TBC1D24: variants seen among roughly 807,000 people sequenced by gnomAD.
TBC1D24 encodes Infantile myoclonic epilepsy.
A neutral mutation model predicts 50.7 loss-of-function variants in TBC1D24; 47 were observed. That is an observed-to-expected ratio of 0.93 (90% CI 0.73 to 1.18). The LOEUF is 1.18. TBC1D24 is among the 50% of genes most tolerant of loss of function. The pLI is 0.00. For missense variants in TBC1D24, 688 were observed against 766.5 expected (o/e 0.90, Z 1.21); for synonymous variants, 324 against 335.2 (o/e 0.97, Z 0.36).
chr16:2,496,633 A>G lies in TBC1D24; in HGVS notation c.485A>G (p.Asn162Ser), dbSNP rs772054145. 3.1e-6 allele frequency: 5 copies of G among 1,612,256 alleles called. No individual in the cohort carries two copies. The Admixed American group carries it at 5.0e-5, about 16-fold the overall frequency. Residue 162 changes from asparagine to serine, a missense_variant, in exon 2 of 8, where the codon AAT becomes AGT. By Grantham distance (46) the Asn-to-Ser change is conservative. Coordinates refer to ENST00000646147, the MANE Select transcript of TBC1D24 (RefSeq NM_001199107.2). ...AAGGCCTGCCGCATCCTGGCCTGCA[A>G]TGACCCCGGCAGGAGGCTGATCGAC... ...FEKACRILACNDPGRRLIDQS... is the reference protein window; with the variant it reads ...FEKACRILACSDPGRRLIDQS...
At chr16:2,492,107 T>C (rs1282828075) in intron 1 of TBC1D24, among the ~76,000 whole-genome samples, 1 of 152,204 alleles carries the variant, frequency 6.6e-6, no homozygotes, top group African/African-American at 2.4e-5. Context: ...CCCAAAGTGC[T>C]GGGATTACAG....
In TBC1D24 at chr16:2,501,194, C is replaced by T. The variant is rs1365362090; in HGVS notation, c.*236C>T. ...AGAGCTGGAGGGCCTGCTGTGCCCC[C>T]AGCCCCACCCAGAGCTGGCATAGGA... On this transcript the variant is annotated 3_prime_UTR_variant, in exon 8 of 8. Coordinates refer to ENST00000646147, the MANE Select transcript of TBC1D24 (RefSeq NM_001199107.2). 1.7e-6 allele frequency: 1 copy of T among 591,292 alleles called. No homozygotes were observed. The highest frequency in any genetic ancestry group is 3.0e-6 in the Non-Finnish European group (1 of 332,506). 36.6% of individuals were successfully genotyped at this position (591,292 alleles called of 1,614,324 possible). A position where few individuals can be genotyped will look rare whatever the true frequency, so the allele number is the denominator to read the frequency against.
At chr16:2,497,576 C>T (rs1275954801) in intron 2 of TBC1D24, 134 bp from the exon 3 acceptor site, 1 of 859,368 alleles carries the variant, frequency 1.2e-6, no homozygotes, top group African/African-American at 1.7e-5. Context: ...TGGTGCCACG[C>T]TGCGGCCTGT....
chr16:2,475,264 G>A lies in TBC1D24; in HGVS notation c.-116+94G>A, dbSNP rs2065556500. 1 of 150,030 alleles carries A rather than the reference G, an allele frequency of 6.7e-6. No individual in the cohort carries two copies. The highest frequency in any genetic ancestry group is 1.9e-4 in the South Asian group (1 of 5,306). 9.3% of individuals were successfully genotyped at this position (150,030 alleles called of 1,614,324 possible). Reference sequence around the variant, plus strand: ...TCACCGCGGTCGGCGCGTGCTGGGGGCGGGAGCGTGGGGGCCGGGCTGCGG... The same window carrying A: ...TCACCGCGGTCGGCGCGTGCTGGGGACGGGAGCGTGGGGGCCGGGCTGCGG... On this transcript the variant is annotated intron_variant, in intron 1 of 7. Coordinates refer to ENST00000646147, the MANE Select transcript of TBC1D24 (RefSeq NM_001199107.2). This position sits in a 1 kb window ranked among gnomAD's most constrained non-coding sequence, Gnocchi z 4.2.
rs780054979 is a variant in TBC1D24, at chr16:2,500,960, G to A, written c.*2G>A. 6.8e-6 allele frequency: 11 copies of A among 1,609,608 alleles called. No individual in the cohort carries two copies. Among genetic ancestry groups the A allele is most frequent in the Non-Finnish European group, 8.5e-6 (10 of 1,179,890 alleles). ...TTCCAGGACCCTGACACCCAGTGAC[G>A]GCCTGTGCCACGGTGACTGAGCCGT... On this transcript the variant is annotated 3_prime_UTR_variant, in exon 8 of 8. Coordinates refer to ENST00000646147, the MANE Select transcript of TBC1D24 (RefSeq NM_001199107.2). This position sits in a 1 kb window ranked among gnomAD's most constrained non-coding sequence, Gnocchi z 8.0.
At chr16:2,497,539 A>G (rs2065754177) in intron 2 of TBC1D24, among the ~76,000 whole-genome samples, 171 bp from the exon 3 acceptor site, 1 of 152,150 alleles carries the variant, frequency 6.6e-6, no homozygotes, top group African/African-American at 2.4e-5. Context: ...TGTCTGTCCT[A>G]TGTGGATTTG....
rs921518816 is a variant in TBC1D24 at position 2,486,328 on chromosome 16, C to T, written c.-115-9706C>T. Among the ~76,000 whole-genome samples, 2 of 152,232 alleles carry T rather than the reference C, an allele frequency of 1.3e-5. No homozygotes were observed. The highest frequency in any genetic ancestry group is 4.8e-5 in the African/African-American group (2 of 41,458). ...CTCATTTCCTCTTCCTCTTCATTCC[C>T]GGTCCCACTCCCAGGAAATGGTGAG... On this transcript the variant is annotated intron_variant, in intron 1 of 7. Transcript: ENST00000646147. This position sits in a 1 kb window ranked among gnomAD's most constrained non-coding sequence, Gnocchi z 5.8.
In TBC1D24 at chr16:2,500,264, C is replaced by G. The variant is rs1212253646; in HGVS notation, c.1303-4C>G. 6.3e-7 allele frequency: 1 copy of G among 1,597,156 alleles called. No individual in the cohort carries two copies. The highest frequency in any genetic ancestry group is 2.3e-5 in the East Asian group (1 of 43,694). On this transcript the variant is annotated splice_polypyrimidine_tract_variant and splice_region_variant and intron_variant, in intron 6 of 7. Coordinates refer to ENST00000646147, the MANE Select transcript of TBC1D24 (RefSeq NM_001199107.2). This position sits in a 1 kb window ranked among gnomAD's most constrained non-coding sequence, Gnocchi z 8.0. Reference sequence around the variant, plus strand: ...CAGCTCCTCACACTCCCCTTCCACCCCAGCTGCAGCCTGAGGTGCAGCGCT... The same window carrying G: ...CAGCTCCTCACACTCCCCTTCCACCGCAGCTGCAGCCTGAGGTGCAGCGCT...
rs2065806229 is a variant in TBC1D24, at chr16:2,502,924, C to CT, written c.*1967dup. 2 of 152,612 alleles carry CT rather than the reference C, an allele frequency of 1.3e-5. No individual in the cohort carries two copies. Among genetic ancestry groups the CT allele is most frequent in the African/African-American group, 4.8e-5 (2 of 41,470 alleles). 9.5% of individuals were successfully genotyped at this position (152,612 alleles called of 1,614,324 possible). On this transcript the variant is annotated 3_prime_UTR_variant, in exon 8 of 8. Transcript: ENST00000646147. ...AGGGGCCTCCGGGGGCTTCCTGGGC[C>CT]TACAGCCAAGCAGGTGTGGGAGGCT...
rs1167467083 is a variant in TBC1D24 at position 2,482,423 on chromosome 16, C to T, written c.-116+7253C>T. Among the ~76,000 whole-genome samples, 2 of 152,190 alleles carry T rather than the reference C, an allele frequency of 1.3e-5. No individual in the cohort carries two copies. The highest frequency in any genetic ancestry group is 2.4e-5 in the African/African-American group (1 of 41,532). On this transcript the variant is annotated intron_variant, in intron 1 of 7. Coordinates refer to ENST00000646147, the MANE Select transcript of TBC1D24 (RefSeq NM_001199107.2). The surrounding 1 kb of genome is among the most constrained non-coding windows in gnomAD (Gnocchi z 5.2). ...CCCATGGAGGCCTGTGAAGGAGGGG[C>T]GATTGGACTGAGCAGAAAGCGAAAG... is the stretch of plus-strand genomic sequence containing the variant.
At chr16:2,492,515 T>C (rs1206121482) in intron 1 of TBC1D24, among the ~76,000 whole-genome samples, 1 of 152,182 alleles carries the variant, frequency 6.6e-6, no homozygotes, top group Non-Finnish European at 1.5e-5. Context: ...GCCAGTTCTT[T>C]CACCCAAACA....
intron 1 of TBC1D24, chr16:2,481,892 G>A (rs2065613119): frequency 6.6e-6 from 1 of 152,282 alleles, no homozygotes; most frequent in Admixed American, 6.5e-5. Flanking sequence ...CTCATTAATG[G>A]TCATACCCCT....
chr16:2,499,525 G>C lies in TBC1D24; in HGVS notation c.1206+105G>C. On this transcript the variant is annotated intron_variant, in intron 5 of 7. Transcript: ENST00000646147. The surrounding 1 kb of genome is among the most constrained non-coding windows in gnomAD (Gnocchi z 4.0). Reference sequence around the variant, plus strand: ...TGGGCTTCAGGGCCTAGGCCTCCTGGGCCAGATCCAGAGTCAGAGCGTGGG... The same window carrying C: ...TGGGCTTCAGGGCCTAGGCCTCCTGCGCCAGATCCAGAGTCAGAGCGTGGG... 9.5e-7 allele frequency: 1 copy of C among 1,054,034 alleles called. No individual in the cohort carries two copies. The highest frequency in any genetic ancestry group is 1.6e-5 in the African/African-American group (1 of 63,726). The allele number at this position is 1,054,034 out of a possible 1,614,324, so 65.3% of individuals were successfully genotyped here. A position where few individuals can be genotyped will look rare whatever the true frequency, so the allele number is the denominator to read the frequency against.
At chr16:2,492,402 A>T (rs922518834) in intron 1 of TBC1D24, among the ~76,000 whole-genome samples, 1 of 152,128 alleles carries the variant, frequency 6.6e-6, no homozygotes, top group Non-Finnish European at 1.5e-5. Flanking sequence ...TACTGTTTCC[A>T]GTTTAATATT....
rs1314673766 is a variant in TBC1D24 at position 2,486,821 on chromosome 16, C to CCT, written c.-115-9211_-115-9210dup. ...ATTCTCTGTTTGTCGCTCGCCCCCG[C>CCT]CTCCAGCATCCCCAAGTGGCCTGGG... is the stretch of plus-strand genomic sequence containing the variant. On this transcript the variant is annotated intron_variant, in intron 1 of 7. Coordinates refer to ENST00000646147, the MANE Select transcript of TBC1D24 (RefSeq NM_001199107.2). This position sits in a 1 kb window ranked among gnomAD's most constrained non-coding sequence, Gnocchi z 5.8. Among the ~76,000 whole-genome samples, 12 of 152,364 alleles carry CCT rather than the reference C, an allele frequency of 7.9e-5. No individual in the cohort carries two copies. The highest frequency in any genetic ancestry group is 2.6e-4 in the Admixed American group (4 of 15,312).
chr16:2,477,686 A>G (rs1483816377), intron 1 of TBC1D24: 3 of 152,190 alleles, frequency 2.0e-5, no homozygotes, highest in Non-Finnish European at 4.4e-5. Context: ...TAGTGCAGTG[A>G]GGAGACAGGA....
chr16:2,498,389 C>T lies in TBC1D24; in HGVS notation c.1135C>T (p.Leu379=). ...LFSSLQHGYS[L]ARFYFQCEGH... ...CTCCTCCCTGCAGCACGGGTACAGC[C>T]TGGCCAGGTAACACCCCAAGGGGCC... is the stretch of plus-strand genomic sequence containing the variant. Residue 379 remains leucine, a synonymous_variant, in exon 4 of 8, where the codon CTG becomes TTG. Coordinates refer to ENST00000646147, the MANE Select transcript of TBC1D24 (RefSeq NM_001199107.2). 6.2e-7 allele frequency: 1 copy of T among 1,604,826 alleles called. No individual in the cohort carries two copies. The highest frequency in any genetic ancestry group is 8.5e-7 in the Non-Finnish European group (1 of 1,176,036).
chr16:2,489,112 G>A (rs1034662142), intron 1 of TBC1D24, among the ~76,000 whole-genome samples: 9 of 149,014 alleles, frequency 6.0e-5, no homozygotes, highest in African/African-American at 2.2e-4. Context: ...CTTTGGAGCA[G>A]GAACAGAGTG....
chr16:2,496,611 G>T lies in TBC1D24; in HGVS notation c.463G>T (p.Ala155Ser). The T allele has an allele frequency of 6.2e-7, 1 of 1,610,728 alleles. No individual in the cohort carries two copies. The highest frequency in any genetic ancestry group is 1.1e-5 in the South Asian group (1 of 91,074). The change falls in exon 2 of 8, where the codon GCC (alanine) becomes TCC (serine). Residue 155 changes from alanine to serine, a missense_variant. Ala to Ser is a moderately conservative substitution (Grantham distance 99). Transcript: ENST00000646147. ...SIDEAECFEK[A>S]CRILACNDPG... ...CGACGAGGCCGAGTGCTTCGAGAAG[G>T]CCTGCCGCATCCTGGCCTGCAATGA... is the stretch of plus-strand genomic sequence containing the variant.
Sources: gnomAD v4.1 joint callset for allele counts (sites outside exome capture counted in the v4.1 genomes callset) on GRCh38, gnomAD v4.1.1 for gene constraint, Gnocchi (gnomAD v3.1) non-coding constraint, MANE v1.5 for transcripts, NCBI Gene and HGNC (gene_info 2026-07-23, HGNC 2026-07-21) for gene names.